The following MARCHF10 variants were observed in gnomAD, a reference collection of about 807,000 sequenced individuals.
The protein encoded by MARCHF10 is probable E3 ubiquitin-protein ligase MARCHF10.
MARCHF10 carries 64 observed loss-of-function variants against 76.2 expected under a neutral mutation model. That is an observed-to-expected ratio of 0.84 (90% CI 0.69 to 1.03). The LOEUF (loss-of-function observed/expected upper bound fraction) is 1.03, where lower values mean the gene tolerates loss of function less well. MARCHF10 is among the 50% of genes least tolerant of loss of function. MARCHF10 has a pLI of 0.00. For missense variants in MARCHF10, 875 were observed against 958.0 expected, an observed-to-expected ratio of 0.91 and a Z score of 1.14; for synonymous variants, 340 against 357.5, an observed-to-expected ratio of 0.95 and a Z score of 0.55.
intron 3 of MARCHF10, among the ~76,000 whole-genome samples, chr17:62,782,424 T>G (rs920391018): frequency 4.1e-5 from 6 of 147,066 alleles, no homozygotes; most frequent in Non-Finnish European, 7.4e-5. Flanking sequence ...CTCAGCTTAC[T>G]GCAATCTCCG....
intron 3 of MARCHF10, among the ~76,000 whole-genome samples, chr17:62,779,524 G>A (rs1428984205): frequency 1.3e-5 from 2 of 152,206 alleles, no homozygotes; most frequent in African/African-American, 4.8e-5. Flanking sequence ...GGGAATGAAA[G>A]GAGTCATGCA....
chr17:62,705,616 T>C (rs943226156), intron 9 of MARCHF10, 35 bp from the exon 10 acceptor site: 1 of 1,613,066 alleles, frequency 6.2e-7, no homozygotes, highest in East Asian at 2.2e-5. Flanking sequence ...ATGAATTGTT[T>C]TTTCCAATAC....
chr17:62,771,348 G>T (rs1230086500), intron 3 of MARCHF10, among the ~76,000 whole-genome samples: 1 of 151,942 alleles, frequency 6.6e-6, no homozygotes, highest in Non-Finnish European at 1.5e-5. Flanking sequence ...GCGGGAGGGG[G>T]TGAGTGCTGC....
intron 8 of MARCHF10, among the ~76,000 whole-genome samples, chr17:62,719,912 T>C (rs935624330): frequency 1.3e-5 from 2 of 152,240 alleles, no homozygotes; most frequent in African/African-American, 2.4e-5. Flanking sequence ...GCAGTTTCTA[T>C]TGGGATATGC....
intron 6 of MARCHF10, among the ~76,000 whole-genome samples, chr17:62,734,468 G>A (rs2091175280): frequency 6.6e-6 from 1 of 152,122 alleles, no homozygotes; most frequent in African/African-American, 2.4e-5. Flanking sequence ...CGTATGTCAT[G>A]TATTAATTTA....
intron 3 of MARCHF10, among the ~76,000 whole-genome samples, chr17:62,781,936 G>C (rs2092665828): frequency 6.6e-6 from 1 of 152,200 alleles, no homozygotes; most frequent in Admixed American, 6.5e-5. Context: ...CTCAATCAGA[G>C]AAGGAACCTG....
intron 5 of MARCHF10, among the ~76,000 whole-genome samples, chr17:62,742,320 T>G (rs1168186125): frequency 6.6e-6 from 1 of 152,150 alleles, no homozygotes; most frequent in Non-Finnish European, 1.5e-5. Context: ...ATGCCCAGCC[T>G]CCTTCCTTAT....
intron 4 of MARCHF10, among the ~76,000 whole-genome samples, chr17:62,753,345 G>A (rs972433941): frequency 6.6e-6 from 1 of 152,124 alleles, no homozygotes; most frequent in Non-Finnish European, 1.5e-5. Flanking sequence ...GACCTCAAGT[G>A]ATCCACCCAC....
At chr17:62,701,879 T>G in intron 10 of MARCHF10, 121 bp from the exon 11 acceptor site, 1 of 1,283,342 alleles carries the variant, frequency 7.8e-7, no homozygotes. Flanking sequence ...GCCACCCACA[T>G]GGCCACAGTG....
chr17:62,786,808 A>G (rs1037918803), intron 3 of MARCHF10, among the ~76,000 whole-genome samples: 1 of 152,220 alleles, frequency 6.6e-6, no homozygotes, highest in Non-Finnish European at 1.5e-5. Flanking sequence ...TCCCAAATGC[A>G]TGAGTATTGC....
chr17:62,769,843 TG>T (rs2080321581), intron 3 of MARCHF10, among the ~76,000 whole-genome samples: 1 of 152,246 alleles, frequency 6.6e-6, no homozygotes. Context: ...CAATTTTTTT[TG>T]TTCCTCAAAT....
At position 62,785,660 on chromosome 17, in the gene MARCHF10, G is replaced by T. The variant is rs2092732241; in HGVS notation, c.210+2820C>A. On this transcript the variant is annotated intron_variant, in intron 3 of 10. Transcript: ENST00000311269. ...AGGGCTAATATCCAGAATCTACAAA[G>T]AACTTAAACAAATCTACCAGAAAAA... Among the ~76,000 whole-genome samples, 4 of 152,048 alleles carry T rather than the reference G, an allele frequency of 2.6e-5. No homozygotes were observed. In the South Asian group the frequency reaches 8.3e-4, roughly 32 times the overall value.
At chr17:62,792,786 T>TCCATCA (rs2092880008) in intron 2 of MARCHF10, among the ~76,000 whole-genome samples, 1 of 49,368 alleles carries the variant, frequency 2.0e-5, no homozygotes, top group East Asian at 7.2e-4. Context: ...CACCACCACC[T>TCCATCA]CCATCACCAC....
chr17:62,793,437 AACCATCACCACCATCACCACC>A (rs1465142785), intron 2 of MARCHF10, among the ~76,000 whole-genome samples: 1 of 74,258 alleles, frequency 1.3e-5, no homozygotes, highest in Non-Finnish European at 2.7e-5. Context: ...CTACCACCAC[AACCATCACCACCATCACCACC>A]ACCATCACCA....
At chr17:62,707,053 C>T (rs1190961112) in intron 9 of MARCHF10, among the ~76,000 whole-genome samples, 1 of 152,202 alleles carries the variant, frequency 6.6e-6, no homozygotes, top group Non-Finnish European at 1.5e-5. Context: ...GTCCCTCACC[C>T]CAGACCCAGC....
At position 62,723,559 on chromosome 17, in the gene MARCHF10, C is replaced by CTTTTTTTTTTTTTTTTTTTTT; in HGVS notation, c.2105-963_2105-962insAAAAAAAAAAAAAAAAAAAAA. 2.9e-3 allele frequency among the ~76,000 whole-genome samples: 231 copies of CTTTTTTTTTTTTTTTTTTTTT among 80,304 alleles called. 21 individuals carry two copies. Among genetic ancestry groups the CTTTTTTTTTTTTTTTTTTTTT allele is most frequent in the African/African-American group, 3.5e-3 (65 of 18,372 alleles). 52.7% of individuals were successfully genotyped at this position (80,304 alleles called of 152,430 possible). On this transcript the variant is annotated intron_variant, in intron 7 of 10. Coordinates refer to ENST00000311269, the MANE Select transcript of MARCHF10 (RefSeq NM_152598.4). ...CCTTATCTGCATTTTGTTCGCTTGA[C>CTTTTTTTTTTTTTTTTTTTTT]TTTTTTTTTTTTTTTTTTTAGCGTC...
intron 8 of MARCHF10, among the ~76,000 whole-genome samples, chr17:62,715,352 G>A (rs924809826): frequency 1.3e-5 from 2 of 152,246 alleles, no homozygotes; most frequent in Non-Finnish European, 2.9e-5. Context: ...CCCAATGGCA[G>A]GATACCTAGA....
At chr17:62,734,607 G>A (rs2091182992) in intron 6 of MARCHF10, among the ~76,000 whole-genome samples, 1 of 152,182 alleles carries the variant, frequency 6.6e-6, no homozygotes, top group Non-Finnish European at 1.5e-5. Context: ...TATATGCAAA[G>A]ATAAAAGACT....
intron 5 of MARCHF10, 34 bp from the exon 6 acceptor site, chr17:62,737,366 T>C (rs763801522): frequency 2.5e-6 from 4 of 1,585,876 alleles, no homozygotes; most frequent in Non-Finnish European, 3.4e-6. Flanking sequence ...ATCGTTCCAG[T>C]AAAAGGGCCC....
Sources: allele counts gnomAD v4.1 joint callset (sites outside exome capture counted in the v4.1 genomes callset), GRCh38; gene constraint gnomAD v4.1.1; transcripts MANE v1.5; gene names NCBI Gene and HGNC (gene_info 2026-07-23, HGNC 2026-07-21).